Variants in VWA3A observed in about 807,000 individuals in gnomAD.
The protein encoded by VWA3A is von Willebrand factor A domain-containing protein 3A.
VWA3A carries 134 observed loss-of-function variants against 160.4 expected under a neutral mutation model. The observed-to-expected ratio is 0.84, with a 90% confidence interval of 0.73 to 0.96. The LOEUF (loss-of-function observed/expected upper bound fraction) is 0.96. VWA3A is among the 40% of genes least tolerant of loss of function. The pLI, the probability that VWA3A is intolerant of heterozygous loss-of-function variation, is 0.00. For synonymous variants in VWA3A, 476 were observed against 543.4 expected (o/e 0.88, Z 1.72); for missense variants, 1,310 against 1,447.9 (o/e 0.90, Z 1.55).
chr16:22,127,262 G>A (rs2045866883), intron 17 of VWA3A, among the ~76,000 whole-genome samples: 1 of 151,880 alleles, frequency 6.6e-6, no homozygotes, highest in African/African-American at 2.4e-5. Flanking sequence ...AAGTAGCTGG[G>A]TCTACAGGCA....
chr16:22,107,009 G>A lies in VWA3A; in HGVS notation c.484-2473G>A, dbSNP rs552855098. 5.9e-5 allele frequency among the ~76,000 whole-genome samples: 9 copies of A among 152,304 alleles called. No individual in the cohort carries two copies. The South Asian group carries it at 1.9e-3, about 32-fold the overall frequency. On this transcript the variant is annotated intron_variant, in intron 6 of 33. Coordinates refer to ENST00000389398, the MANE Select transcript of VWA3A (RefSeq NM_173615.5). ...AAGAAAACTGAGAGGTCTTGTTTTG[G>A]ACATGTGAGGCCTGAGGGACTTAGC...
chr16:22,105,298 G>A (rs1020824945), intron 6 of VWA3A, among the ~76,000 whole-genome samples: 3 of 152,100 alleles, frequency 2.0e-5, no homozygotes, highest in African/African-American at 7.2e-5. Context: ...CCTTTCTGAC[G>A]GAGCTACAGA....
intron 17 of VWA3A, among the ~76,000 whole-genome samples, chr16:22,129,564 C>T (rs1280373093): frequency 2.0e-5 from 3 of 151,828 alleles, no homozygotes; most frequent in African/African-American, 7.3e-5. Context: ...TTAAACATCC[C>T]GAGTCTGAGA....
At chr16:22,140,610 T>C (rs1419922832) in intron 23 of VWA3A, among the ~76,000 whole-genome samples, 1 of 145,224 alleles carries the variant, frequency 6.9e-6, no homozygotes, top group African/African-American at 2.5e-5. Flanking sequence ...TGTCTCTACT[T>C]TTTTTTTTTT....
At chr16:22,132,877 T>G in intron 19 of VWA3A, 23 bp from the exon 20 acceptor site, 1 of 1,602,230 alleles carries the variant, frequency 6.2e-7, no homozygotes, top group Non-Finnish European at 8.5e-7. Context: ...TGCTGGCCCC[T>G]CCTACCTTCT....
intron 21 of VWA3A, 119 bp downstream of exon 21, chr16:22,134,557 A>G: frequency 1.2e-6 from 1 of 838,680 alleles, no homozygotes; most frequent in Non-Finnish European, 1.8e-6. Flanking sequence ...TCACTTCCAG[A>G]GGCTGGAAGT....
chr16:22,114,394 G>A (rs772469544), intron 8 of VWA3A, among the ~76,000 whole-genome samples: 4 of 152,278 alleles, frequency 2.6e-5, no homozygotes, highest in East Asian at 1.9e-4. Context: ...TTAGGGTCGC[G>A]GAATTAACTC....
At chr16:22,102,881 G>A (rs934046522) in intron 5 of VWA3A, among the ~76,000 whole-genome samples, 4 of 152,120 alleles carry the variant, frequency 2.6e-5, no homozygotes, top group African/African-American at 9.7e-5. Flanking sequence ...GGAGAAAGGA[G>A]ACGAGGTTAC....
rs372123250 is a variant in VWA3A, at chr16:22,146,185, T to C, written c.2731-51T>C. ...ACAATTTTAGGGGGTGATGGGGATA[T>C]GAAGAAATGACTGATGGGGTGGGTG... On this transcript the variant is annotated intron_variant, in intron 26 of 33. Transcript: ENST00000389398. 6.3e-6 allele frequency: 9 copies of C among 1,419,918 alleles called. No homozygotes were observed. In the African/African-American group the frequency reaches 1.1e-4, roughly 18 times the overall value. 88.0% of individuals were successfully genotyped at this position (1,419,918 alleles called of 1,614,324 possible). A position where few individuals can be genotyped will look rare whatever the true frequency, so the allele number is the denominator to read the frequency against.
At position 22,100,222 on chromosome 16, in the gene VWA3A, C is replaced by T; in HGVS notation, c.254C>T (p.Ser85Leu). 3 of 1,550,220 alleles carry T rather than the reference C, an allele frequency of 1.9e-6. No homozygotes were observed. The highest frequency in any genetic ancestry group is 2.6e-6 in the Non-Finnish European group (3 of 1,146,798). Residue 85 changes from serine (S) to leucine (L), a missense_variant, in exon 4 of 34, where the codon TCA becomes TTA. Coordinates refer to ENST00000389398, the MANE Select transcript of VWA3A (RefSeq NM_173615.5). ...LRLQGSETQS[S>L]DWEDSEDWLS... ...CTGCAGGGGAGTGAGACCCAGTCTT[C>T]AGATTGGGAGGACTCTGAAGACTGG...
At position 22,149,009 on chromosome 16, in the gene VWA3A, C is replaced by T. The variant is rs114714730; in HGVS notation, c.2984+703C>T. Among the ~76,000 whole-genome samples the T allele has an allele frequency of 8.8e-3, 1,339 of 152,292 alleles. 19 individuals carry two copies. The highest frequency in any genetic ancestry group is 0.029 in the African/African-American group (1,210 of 41,564). On this transcript the variant is annotated intron_variant, in intron 28 of 33. Coordinates refer to ENST00000389398, the MANE Select transcript of VWA3A (RefSeq NM_173615.5). ...GAAGGGGACCCCAGGGGACTCTCAT[C>T]GTAGACTAGGCCTCGTTCTTGCCTT...
intron 6 of VWA3A, among the ~76,000 whole-genome samples, chr16:22,105,771 G>T (rs144369525): frequency 1.3e-5 from 2 of 152,302 alleles, no homozygotes; most frequent in Non-Finnish European, 2.9e-5. Flanking sequence ...AATTCCAAAA[G>T]CTGTAAAGCC....
At chr16:22,133,955 A>G (rs1272855428) in intron 20 of VWA3A, among the ~76,000 whole-genome samples, 2 of 152,268 alleles carry the variant, frequency 1.3e-5, no homozygotes, top group South Asian at 2.1e-4. Flanking sequence ...ATAGTTGTAC[A>G]TGGTACAAAA....
Position 22,144,319 on chromosome 16 carries a change from C to G in VWA3A, c.2665C>G (p.Gln889Glu). The G allele has an allele frequency of 6.2e-7, 1 of 1,613,932 alleles. No homozygotes were observed. The highest frequency in any genetic ancestry group is 8.5e-7 in the Non-Finnish European group (1 of 1,179,894). Reference protein sequence around the residue: ...SRCMGPNCTHQKSGQRSASAK... With the variant: ...SRCMGPNCTHEKSGQRSASAK... ...ATGCATGGGTCCCAACTGCACTCAT[C>G]AAAAGTCAGGACAGAGGTCAGCATC... The change falls in exon 26 of 34, where the codon CAA (glutamine) becomes GAA (glutamate). Residue 889 changes from glutamine (Q) to glutamate (E), a missense_variant. Physicochemically the swap from Gln to Glu is conservative, Grantham distance 29 (BLOSUM62 2). Coordinates refer to ENST00000389398, the MANE Select transcript of VWA3A (RefSeq NM_173615.5).
chr16:22,115,923 A>AAGGAAGG (rs1156229417), intron 9 of VWA3A, among the ~76,000 whole-genome samples: 53 of 19,546 alleles, frequency 2.7e-3, no homozygotes, highest in Admixed American at 5.0e-3. Flanking sequence ...GGAAGGAAGG[A>AAGGAAGG]AAGGAAAGGA....
intron 3 of VWA3A, 103 bp from the exon 4 acceptor site, chr16:22,100,091 T>G: frequency 7.6e-7 from 1 of 1,324,164 alleles, no homozygotes; most frequent in Non-Finnish European, 1.0e-6. Flanking sequence ...AAAAAAAAGA[T>G]AGGGTCAGTC....
At chr16:22,131,987 T>A (rs2045957328) in intron 19 of VWA3A, among the ~76,000 whole-genome samples, 1 of 152,180 alleles carries the variant, frequency 6.6e-6, no homozygotes. Context: ...TCCCAGCTAC[T>A]CAGGAGGCTG....
At chr16:22,115,970 GGGAGAGAGAGAGAGAGAGA>G (rs1412097559) in intron 9 of VWA3A, among the ~76,000 whole-genome samples, 1 of 110,642 alleles carries the variant, frequency 9.0e-6, no homozygotes, top group Non-Finnish European at 1.8e-5. Flanking sequence ...GAGGGAGGGA[GGGAGAGAGAGAGAGAGAGA>G]GGAGAGAGAG....
At chr16:22,134,562 G>T in intron 21 of VWA3A, 124 bp downstream of exon 21, 2 of 826,332 alleles carry the variant, frequency 2.4e-6, no homozygotes, top group Non-Finnish European at 3.6e-6. Context: ...TCCAGAGGCT[G>T]GAAGTCTGAA....
Sources: gnomAD v4.1 joint callset for allele counts (sites outside exome capture counted in the v4.1 genomes callset) on GRCh38, gnomAD v4.1.1 for gene constraint, MANE v1.5 for transcripts, NCBI Gene and HGNC (gene_info 2026-07-23, HGNC 2026-07-21) for gene names.